DCLK1: variants seen among roughly 807,000 people sequenced by gnomAD.
DCLK1 encodes the protein doublecortin like kinase 1.
Under a neutral mutation model 86.2 loss-of-function variants are expected in DCLK1, and 16 were observed. That is an observed-to-expected ratio of 0.19 (90% CI 0.13 to 0.28). The LOEUF is 0.28. Ranked by LOEUF, DCLK1 falls within the 10% of genes least tolerant of loss-of-function variation. The pLI, the probability that DCLK1 is intolerant of heterozygous loss-of-function variation, is 1.00. For missense variants in DCLK1, 590 were observed against 940.2 expected, an observed-to-expected ratio of 0.63 and a Z score of 4.87; for synonymous variants, 369 against 370.5, an observed-to-expected ratio of 1.00 and a Z score of 0.05.
At chr13:35,849,058 C>T (rs1870417215) in intron 6 of DCLK1, 1 of 985,196 alleles carries the variant, frequency 1.0e-6, no homozygotes, top group South Asian at 4.7e-5. Context: ...GAATAACCTG[C>T]CAGAGAAGTG....
At chr13:35,990,123 C>T (rs981205660) in intron 3 of DCLK1, among the ~76,000 whole-genome samples, 1 of 152,132 alleles carries the variant, frequency 6.6e-6, no homozygotes, top group African/African-American at 2.4e-5. Context: ...GTCCTAGGTC[C>T]TAGTTCCCAA....
intron 4 of DCLK1, among the ~76,000 whole-genome samples, chr13:35,921,357 A>G (rs1169679543): frequency 6.6e-6 from 1 of 151,964 alleles, no homozygotes; most frequent in Admixed American, 6.6e-5. Context: ...CTGCCCGGCC[A>G]CAACACCCCA....
chr13:35,835,416 C>A (rs1301248077), intron 8 of DCLK1, among the ~76,000 whole-genome samples: 1 of 152,198 alleles, frequency 6.6e-6, no homozygotes, highest in Admixed American at 6.5e-5. Context: ...GAGTGGAGGG[C>A]TTGAGGCCCC....
intron 3 of DCLK1, among the ~76,000 whole-genome samples, chr13:36,003,471 A>T (rs890471894): frequency 6.6e-6 from 1 of 152,230 alleles, no homozygotes; most frequent in African/African-American, 2.4e-5. Flanking sequence ...TAGCCTATTC[A>T]ATTTAACTTC....
chr13:36,058,844 T>A (rs9546274), intron 3 of DCLK1, among the ~76,000 whole-genome samples: 9,192 of 152,220 alleles, frequency 0.06, 455 homozygotes, highest in African/African-American at 0.13. Context: ...TAGGGATTAA[T>A]TCAGAGCTGG....
At chr13:35,854,657 A>T in intron 5 of DCLK1, 64 bp from the exon 6 acceptor site, 1 of 1,395,848 alleles carries the variant, frequency 7.2e-7, no homozygotes, top group Non-Finnish European at 9.8e-7. Context: ...ATGACAAATC[A>T]TCTTCTGCAA....
At chr13:35,854,373 C>T (rs919747365) in intron 6 of DCLK1, 126 bp downstream of exon 6, 2 of 602,682 alleles carry the variant, frequency 3.3e-6, no homozygotes, top group Non-Finnish European at 5.1e-6. Context: ...AGCAACCCCT[C>T]ATTGGTCACC....
intron 3 of DCLK1, among the ~76,000 whole-genome samples, chr13:35,958,154 TATAACCATCACCACCATCACC>T (rs1566620725): frequency 4.9e-4 from 48 of 97,882 alleles, no homozygotes; most frequent in African/African-American, 1.2e-3. Context: ...CCACCACCAC[TATAACCATCACCACCATCACC>T]ACTATAACCA....
Position 36,056,893 on chromosome 13 carries a change from CA to C in DCLK1, c.723+54975del, listed in dbSNP as rs766434117. Reference sequence around the variant, plus strand: ...CCTGGGCGACAGAGCAAGACTGTGACAAAAAAAAAAAAAATATATATATATA... The same window carrying C: ...CCTGGGCGACAGAGCAAGACTGTGACAAAAAAAAAAAAATATATATATATA... On this transcript the variant is annotated intron_variant, in intron 3 of 16. Transcript: ENST00000360631. Among the ~76,000 whole-genome samples the C allele has an allele frequency of 4.3e-3, 434 of 101,368 alleles. 2 individuals are homozygous for C. The highest frequency in any genetic ancestry group is 0.016 in the African/African-American group (408 of 26,108). 66.5% of individuals were successfully genotyped at this position (101,368 alleles called of 152,430 possible). A position where few individuals can be genotyped will look rare whatever the true frequency, so the allele number is the denominator to read the frequency against.
chr13:35,937,033 G>A (rs369634924), intron 4 of DCLK1, among the ~76,000 whole-genome samples: 3 of 136,366 alleles, frequency 2.2e-5, no homozygotes, highest in South Asian at 2.3e-4. Context: ...GCAGTGGCGC[G>A]ATCTCCACTC....
chr13:35,879,819 C>T (rs1872783687), intron 4 of DCLK1, among the ~76,000 whole-genome samples: 1 of 152,140 alleles, frequency 6.6e-6, no homozygotes, highest in Non-Finnish European at 1.5e-5. Flanking sequence ...GTCATTTGCA[C>T]TTTTTTGTGC....
At chr13:35,908,345 C>G (rs1874799937) in intron 4 of DCLK1, among the ~76,000 whole-genome samples, 1 of 152,134 alleles carries the variant, frequency 6.6e-6, no homozygotes, top group African/African-American at 2.4e-5. Context: ...TCCAAAGAGG[C>G]AGGCCATTCA....
intron 4 of DCLK1, among the ~76,000 whole-genome samples, chr13:35,876,626 A>G (rs575214589): frequency 6.6e-6 from 1 of 152,340 alleles, no homozygotes; most frequent in African/African-American, 2.4e-5. Context: ...ATTTTGAAAC[A>G]TTGTGAATAA....
At chr13:35,998,956 A>T (rs1428621973) in intron 3 of DCLK1, among the ~76,000 whole-genome samples, 4 of 152,106 alleles carry the variant, frequency 2.6e-5, no homozygotes, top group Admixed American at 2.6e-4. Flanking sequence ...AGGTACAATT[A>T]AAAAATTTCC....
intron 14 of DCLK1, among the ~76,000 whole-genome samples, chr13:35,806,410 A>G (rs1392499415): frequency 1.3e-5 from 2 of 152,238 alleles, no homozygotes; most frequent in African/African-American, 4.8e-5. Context: ...AAACAATTTC[A>G]TCATCCTGAA....
chr13:35,875,246 A>G (rs1872529086), intron 4 of DCLK1, among the ~76,000 whole-genome samples: 2 of 152,260 alleles, frequency 1.3e-5, no homozygotes, highest in South Asian at 4.1e-4. Flanking sequence ...GGTTATGAAC[A>G]TTCAGAGGTC....
In DCLK1 at chr13:36,111,892, G is replaced by A; in HGVS notation, c.700C>T (p.Leu234=). 1.9e-6 allele frequency: 3 copies of A among 1,613,806 alleles called. No homozygotes were observed. The highest frequency in any genetic ancestry group is 2.5e-6 in the Non-Finnish European group (3 of 1,179,828). The change falls in exon 3 of 17, where the codon CTG becomes TTG. Residue 234 remains leucine, a synonymous_variant. Transcript: ENST00000360631. Reference sequence around the variant, plus strand: ...ACCTGTTTCCCATCCAACGTGTACAGGCGTTTCACCACTCCCGAGTCCAGC... The same window carrying A: ...ACCTGTTTCCCATCCAACGTGTACAAGCGTTTCACCACTCCCGAGTCCAGC... The part of the protein sequence containing the change: ...IKLDSGVVKR[L]YTLDGKQVMC...
At chr13:36,054,707 A>G (rs1160158772) in intron 3 of DCLK1, among the ~76,000 whole-genome samples, 1 of 152,202 alleles carries the variant, frequency 6.6e-6, no homozygotes, top group Non-Finnish European at 1.5e-5. Context: ...CCTGAAAAAT[A>G]AAATGAAGCA....
intron 3 of DCLK1, among the ~76,000 whole-genome samples, chr13:36,022,292 T>C (rs926639817): frequency 1.3e-5 from 2 of 151,986 alleles, no homozygotes; most frequent in Non-Finnish European, 2.9e-5. Flanking sequence ...ATCATAGCTG[T>C]AAAACCTTTA....
Sources: allele counts gnomAD v4.1 joint callset (sites outside exome capture counted in the v4.1 genomes callset), GRCh38; gene constraint gnomAD v4.1.1; transcripts MANE v1.5; gene names NCBI Gene and HGNC (gene_info 2026-07-23, HGNC 2026-07-21).